The following EYS variants were observed in gnomAD, a reference collection of about 807,000 sequenced individuals.
EYS encodes EGF-like photoreceptor maintenance factor, also known as protein eyes shut homolog.
EYS carries 250 observed loss-of-function variants against 282.1 expected under a neutral mutation model. The observed-to-expected ratio is 0.89, with a 90% CI of 0.80 to 0.98. EYS has a LOEUF of 0.98. Among genes scored for constraint, EYS ranks in the 50% least tolerant of loss-of-function variants. The pLI, the probability that EYS is intolerant of heterozygous loss-of-function variation, is 0.00. For missense variants in EYS, 4,016 were observed against 3,709.0 expected (o/e 1.08, Z -2.15); for synonymous variants, 1,355 against 1,282.9 (o/e 1.06, Z -1.20).
At chr6:65,191,974 C>T (rs1477752386) in intron 12 of EYS, among the ~76,000 whole-genome samples, 1 of 150,322 alleles carries the variant, frequency 6.7e-6, no homozygotes, top group Admixed American at 6.7e-5. Flanking sequence ...ATTTTAAAGA[C>T]TTCCAAAATA....
chr6:64,096,625 C>T (rs141704679), intron 31 of EYS, among the ~76,000 whole-genome samples: 95 of 152,294 alleles, frequency 6.2e-4, no homozygotes, highest in African/African-American at 2.2e-3. Context: ...GACTTCTCTG[C>T]ATTGGTTATT....
intron 31 of EYS, among the ~76,000 whole-genome samples, chr6:64,200,750 C>T (rs1283884037): frequency 2.6e-5 from 4 of 151,994 alleles, no homozygotes; most frequent in South Asian, 2.1e-4. Flanking sequence ...TTTATGGCTG[C>T]GAGCTTACAT....
intron 18 of EYS, among the ~76,000 whole-genome samples, chr6:64,890,805 T>C (rs1176434860): frequency 2.0e-5 from 3 of 152,134 alleles, no homozygotes; most frequent in African/African-American, 7.2e-5. Flanking sequence ...GTTTTTGGCA[T>C]ACAGACAACT....
At chr6:64,562,565 T>C (rs145401579) in intron 26 of EYS, among the ~76,000 whole-genome samples, 2,019 of 152,076 alleles carry the variant, frequency 0.013, 17 homozygotes, top group Middle Eastern at 0.037. Context: ...TGTATCTGGC[T>C]TAGAGTGAGG....
intron 26 of EYS, among the ~76,000 whole-genome samples, chr6:64,527,465 A>T (rs1186327713): frequency 6.6e-6 from 1 of 151,868 alleles, no homozygotes; most frequent in South Asian, 2.1e-4. Flanking sequence ...TTTCAGAGGC[A>T]TTCTTATTTC....
At chr6:65,151,898 A>G (rs1249559076) in intron 12 of EYS, among the ~76,000 whole-genome samples, 1 of 151,936 alleles carries the variant, frequency 6.6e-6, no homozygotes, top group Non-Finnish European at 1.5e-5. Context: ...AGATATTTAG[A>G]ATTTTCCTCC....
chr6:64,495,289 C>T (rs981524172), intron 26 of EYS, among the ~76,000 whole-genome samples: 3 of 151,580 alleles, frequency 2.0e-5, no homozygotes, highest in Non-Finnish European at 3.0e-5. Context: ...GACAACAACT[C>T]GGCAACTAGC....
Position 64,067,454 on chromosome 6 carries a change from T to C in EYS, c.6572-963A>G, listed in dbSNP as rs537898432. On this transcript the variant is annotated intron_variant, in intron 32 of 42. Coordinates refer to ENST00000503581, the MANE Select transcript of EYS (RefSeq NM_001142800.2). ...AACAGCTATAGTTAGTTTTACTTGA[T>C]TTTAATCTTCCTATTAGTGGAATCA... 2.0e-5 allele frequency among the ~76,000 whole-genome samples: 3 copies of C among 152,270 alleles called. No individual in the cohort carries two copies. The East Asian group carries it at 5.8e-4, about 29-fold the overall frequency.
intron 42 of EYS, among the ~76,000 whole-genome samples, chr6:63,724,998 G>A (rs1266174911): frequency 6.6e-6 from 1 of 152,070 alleles, no homozygotes; most frequent in Non-Finnish European, 1.5e-5. Flanking sequence ...AAATAAATGA[G>A]AGACTTCAAA....
At chr6:64,024,667 C>A (rs1769392583) in intron 33 of EYS, among the ~76,000 whole-genome samples, 1 of 152,072 alleles carries the variant, frequency 6.6e-6, no homozygotes, top group African/African-American at 2.4e-5. Flanking sequence ...TGCAGCTTCA[C>A]CCCTGAAGCT....
intron 26 of EYS, among the ~76,000 whole-genome samples, chr6:64,530,429 T>A (rs913975903): frequency 6.6e-6 from 1 of 152,020 alleles, no homozygotes; most frequent in Non-Finnish European, 1.5e-5. Flanking sequence ...GTTCCTAGAG[T>A]TATGAAATAT....
chr6:63,918,138 T>C (rs1483030952), intron 35 of EYS, among the ~76,000 whole-genome samples: 1 of 152,164 alleles, frequency 6.6e-6, no homozygotes, highest in Non-Finnish European at 1.5e-5. Context: ...AGATAAAAGA[T>C]TGCATAAATA....
At chr6:65,195,078 T>C (rs2150242273) in intron 12 of EYS, among the ~76,000 whole-genome samples, 1 of 152,168 alleles carries the variant, frequency 6.6e-6, no homozygotes, top group African/African-American at 2.4e-5. Flanking sequence ...TTGTGTTAAG[T>C]ATGACTTTAT....
intron 2 of EYS, among the ~76,000 whole-genome samples, chr6:65,559,724 T>A (rs942217368): frequency 4.6e-5 from 7 of 152,166 alleles, no homozygotes; most frequent in African/African-American, 1.7e-4. Context: ...ATTATTTCAT[T>A]AAATGTATCT....
In EYS at chr6:64,547,735, C is replaced by T. The variant is rs530238412; in HGVS notation, c.5644+42488G>A. 2.4e-4 allele frequency among the ~76,000 whole-genome samples: 37 copies of T among 152,320 alleles called. 1 individual carries two copies. The South Asian group carries it at 7.5e-3, about 31-fold the overall frequency. On this transcript the variant is annotated intron_variant, in intron 26 of 42. Transcript: ENST00000503581. ...TGCACCATGCACCCTCACTCCTCAG[C>T]CCTTGGGTGGTCGATGGGACTGGGC...
chr6:65,203,329 G>A (rs1370446211), intron 12 of EYS, among the ~76,000 whole-genome samples: 1 of 152,050 alleles, frequency 6.6e-6, no homozygotes, highest in Non-Finnish European at 1.5e-5. Flanking sequence ...CAGTGCTAGG[G>A]AACTAGATAT....
chr6:65,663,285 AC>A (rs1170280140), intron 1 of EYS, among the ~76,000 whole-genome samples: 1 of 152,154 alleles, frequency 6.6e-6, no homozygotes, highest in Non-Finnish European at 1.5e-5. Context: ...CAGCAGAGAA[AC>A]CAATTCTAAG....
chr6:64,546,200 C>G lies in EYS; in HGVS notation c.5644+44023G>C, dbSNP rs527976174. Among the ~76,000 whole-genome samples, 39 of 152,142 alleles carry G rather than the reference C, an allele frequency of 2.6e-4. No individual in the cohort carries two copies. The East Asian group carries it at 7.2e-3, about 28-fold the overall frequency. ...TATAGACCAATGGAACAGAACAGAG[C>G]CCTCAGAAATAAGGCCGCATATCTA... On this transcript the variant is annotated intron_variant, in intron 26 of 42. Coordinates refer to ENST00000503581, the MANE Select transcript of EYS (RefSeq NM_001142800.2).
intron 30 of EYS, among the ~76,000 whole-genome samples, chr6:64,281,688 G>A (rs1373419113): frequency 6.6e-6 from 1 of 151,964 alleles, no homozygotes; most frequent in Non-Finnish European, 1.5e-5. Flanking sequence ...GTAATGTCTG[G>A]TCATTTCTAG....
Sources: gnomAD v4.1 joint callset for allele counts (sites outside exome capture counted in the v4.1 genomes callset) on GRCh38, gnomAD v4.1.1 for gene constraint, MANE v1.5 for transcripts, NCBI Gene and HGNC (gene_info 2026-07-23, HGNC 2026-07-21) for gene names.